Variants in FZD1 observed in about 807,000 individuals in gnomAD.
The protein encoded by FZD1 is frizzled-1.
FZD1 carries 22 observed loss-of-function variants against 48.0 expected under a neutral mutation model. The observed-to-expected ratio is 0.46, with a 90% confidence interval of 0.33 to 0.65. FZD1 has a LOEUF of 0.65. Ranked by LOEUF, FZD1 falls within the 30% of genes least tolerant of loss-of-function variation. The probability of loss-of-function intolerance (pLI) is 0.02; values close to 1 mark genes in which losing one functional copy is unlikely to be tolerated. For missense variants in FZD1, 843 were observed against 898.1 expected (o/e 0.94, Z 0.78); for synonymous variants, 486 against 409.6 (o/e 1.19, Z -2.25).
At position 91,266,607 on chromosome 7, in the gene FZD1, G is replaced by A. The variant is rs1803885047; in HGVS notation, c.1727G>A (p.Ser576Asn). Residue 576 changes from serine (S) to asparagine (N), a missense_variant, in exon 1 of 1, where the codon AGC becomes AAC. By Grantham distance (46) the Ser-to-Asn change is conservative. This residue lies in a region of FZD1 where 353 missense variants were observed against 431.6 expected (regional missense o/e 0.82). Transcript: ENST00000287934. This position sits in a 1 kb window ranked among gnomAD's most constrained non-coding sequence, Gnocchi z 6.8. The part of the protein sequence containing the change: ...ERSWVAQSCK[S>N]YAIPCPHLQA... ...AGCTGGGTGGCCCAGAGCTGCAAGA[G>A]CTACGCTATCCCCTGCCCTCACCTC... The A allele has an allele frequency of 6.2e-7, 1 of 1,613,322 alleles. No individual in the cohort carries two copies. Among genetic ancestry groups the A allele is most frequent in the South Asian group, 1.1e-5 (1 of 91,086 alleles).
At position 91,265,245 on chromosome 7, in the gene FZD1, C is replaced by T. The variant is rs1453604982; in HGVS notation, c.365C>T (p.Pro122Leu). The part of the protein sequence containing the change: ...DHGYCQPISI[P>L]LCTDIAYNQT... The stretch of plus-strand genomic sequence containing the variant: ...GGCTATTGCCAGCCCATCTCCATCC[C>T]GCTGTGCACGGACATCGCGTACAAC... Residue 122 changes from proline (P) to leucine (L), a missense_variant, in exon 1 of 1, where the codon CCG becomes CTG. Coordinates refer to ENST00000287934, the MANE Select transcript of FZD1 (RefSeq NM_003505.2). This position sits in a 1 kb window ranked among gnomAD's most constrained non-coding sequence, Gnocchi z 6.9. The T allele has an allele frequency of 3.7e-6, 6 of 1,614,008 alleles. No individual in the cohort carries two copies. Among genetic ancestry groups the T allele is most frequent in the Non-Finnish European group, 8.5e-7 (1 of 1,179,998 alleles).
chr7:91,264,533 A>T lies in FZD1; in HGVS notation c.-348A>T, dbSNP rs1803832516. On this transcript the variant is annotated 5_prime_UTR_variant, in exon 1 of 1. Coordinates refer to ENST00000287934, the MANE Select transcript of FZD1 (RefSeq NM_003505.2). ...AGAAGGAGGCGGAGGCGCAGGGGGG[A>T]GCCGAGCCCGCTGGGCTGCGGAGAG... The T allele has an allele frequency of 3.0e-6, 1 of 331,180 alleles. No individual in the cohort carries two copies. Among genetic ancestry groups the T allele is most frequent in the Non-Finnish European group, 5.5e-6 (1 of 182,534 alleles). 20.5% of individuals were successfully genotyped at this position (331,180 alleles called of 1,614,324 possible).
rs895327946 is a variant in FZD1 at position 91,268,678 on chromosome 7, T to C, written c.*1854T>C. On this transcript the variant is annotated 3_prime_UTR_variant, in exon 1 of 1. Transcript: ENST00000287934. ...AGTTTATATATATATAATACCATAT[T>C]TTTAATTTCACAAATAAAAAATTCA... The C allele has an allele frequency of 1.8e-5, 3 of 166,064 alleles. No individual in the cohort carries two copies. The highest frequency in any genetic ancestry group is 4.4e-5 in the Non-Finnish European group (3 of 68,084). 10.3% of individuals were successfully genotyped at this position (166,064 alleles called of 1,614,324 possible).
rs1407061234 is a variant in FZD1 at position 91,268,844 on chromosome 7, T to TA, written c.*2023dup. Reference sequence around the variant, plus strand: ...GAATTCAATGAAAAAAGTCTACCCTTAAACCCTCAGATCAGTCTTTCCAAA... The same window carrying TA: ...GAATTCAATGAAAAAAGTCTACCCTTAAAACCCTCAGATCAGTCTTTCCAAA... On this transcript the variant is annotated 3_prime_UTR_variant, in exon 1 of 1. Transcript: ENST00000287934. 2 of 166,956 alleles carry TA rather than the reference T, an allele frequency of 1.2e-5. No individual in the cohort carries two copies. Among genetic ancestry groups the TA allele is most frequent in the Non-Finnish European group, 2.9e-5 (2 of 68,086 alleles). The allele number at this position is 166,956 out of a possible 1,614,324, so 10.3% of individuals were successfully genotyped here.
rs1288435174 is a variant in FZD1 at position 91,265,789 on chromosome 7, C to A, written c.909C>A (p.Thr303=). The change falls in exon 1 of 1, where the codon ACC becomes ACA. Residue 303 remains threonine, a synonymous_variant. Transcript: ENST00000287934. This position sits in a 1 kb window ranked among gnomAD's most constrained non-coding sequence, Gnocchi z 6.9. ...EKDCGAPCEP[T]KVYGLMYFGP... The stretch of plus-strand genomic sequence containing the variant: ...ACTGCGGCGCACCTTGTGAGCCGAC[C>A]AAGGTGTATGGGCTCATGTACTTCG... The A allele has an allele frequency of 6.2e-7, 1 of 1,612,682 alleles. No individual in the cohort carries two copies.
chr7:91,268,106 A>G lies in FZD1; in HGVS notation c.*1282A>G, dbSNP rs1803916001. 1 of 167,072 alleles carries G rather than the reference A, an allele frequency of 6.0e-6. No homozygotes were observed. Among genetic ancestry groups the G allele is most frequent in the African/African-American group, 2.4e-5 (1 of 41,476 alleles). 10.3% of individuals were successfully genotyped at this position (167,072 alleles called of 1,614,324 possible). A position where few individuals can be genotyped will look rare whatever the true frequency, so the allele number is the denominator to read the frequency against. Reference sequence around the variant, plus strand: ...TATTTCAGTGTCATGGACTTCCTCAAAATGAAGTGCTATTTTCTTATTTTT... The same window carrying G: ...TATTTCAGTGTCATGGACTTCCTCAGAATGAAGTGCTATTTTCTTATTTTT... On this transcript the variant is annotated 3_prime_UTR_variant, in exon 1 of 1. Transcript: ENST00000287934.
In FZD1 at chr7:91,269,658, A is replaced by T. The variant is rs1183685149; in HGVS notation, c.*2834A>T. The T allele has an allele frequency of 6.0e-6, 1 of 167,052 alleles. No individual in the cohort carries two copies. Among genetic ancestry groups the T allele is most frequent in the Admixed American group, 6.5e-5 (1 of 15,288 alleles). The allele number at this position is 167,052 out of a possible 1,614,324, so 10.3% of individuals were successfully genotyped here. A position where few individuals can be genotyped will look rare whatever the true frequency, so the allele number is the denominator to read the frequency against. ...AAAAATTAGATCTTACTAAAAATGT[A>T]GCATTTGATTTTAAGTAGCAAGATG... On this transcript the variant is annotated 3_prime_UTR_variant, in exon 1 of 1. Transcript: ENST00000287934.
In FZD1 at chr7:91,265,711, G is replaced by T. The variant is rs761952181; in HGVS notation, c.831G>T (p.Pro277=). 2 of 1,605,044 alleles carry T rather than the reference G, an allele frequency of 1.2e-6. No homozygotes were observed. Among genetic ancestry groups the T allele is most frequent in the Non-Finnish European group, 1.7e-6 (2 of 1,176,298 alleles). ...GASERGKFSC[P]RALKVPSYLN... ...CGGAGCGAGGCAAGTTCTCCTGCCC[G>T]CGCGCCCTCAAGGTGCCCTCCTACC... The change falls in exon 1 of 1, where the codon CCG becomes CCT. Residue 277 remains proline, a synonymous_variant. Transcript: ENST00000287934. This position sits in a 1 kb window ranked among gnomAD's most constrained non-coding sequence, Gnocchi z 6.9.
rs370079514 is a variant in FZD1 at position 91,266,606 on chromosome 7, A to T, written c.1726A>T (p.Ser576Cys). Residue 576 changes from serine (S) to cysteine (C), a missense_variant, in exon 1 of 1, where the codon AGC becomes TGC. Coordinates refer to ENST00000287934, the MANE Select transcript of FZD1 (RefSeq NM_003505.2). The surrounding 1 kb of genome is among the most constrained non-coding windows in gnomAD (Gnocchi z 6.8). ...ERSWVAQSCK[S>C]YAIPCPHLQA... ...CAGCTGGGTGGCCCAGAGCTGCAAGAGCTACGCTATCCCCTGCCCTCACCT... is the reference window on the plus strand; with the variant it reads ...CAGCTGGGTGGCCCAGAGCTGCAAGTGCTACGCTATCCCCTGCCCTCACCT... 7 of 1,613,290 alleles carry T rather than the reference A, an allele frequency of 4.3e-6. No homozygotes were observed. The highest frequency in any genetic ancestry group is 5.9e-6 in the Non-Finnish European group (7 of 1,179,992).
chr7:91,266,563 C>G lies in FZD1; in HGVS notation c.1683C>G (p.Phe561Leu). ...CCTGCTACTTCTACGAGCAGGCCTT[C>G]CGGGACCAGTGGGAACGCAGCTGGG... ...VIACYFYEQA[F>L]RDQWERSWVA... Residue 561 changes from phenylalanine (F) to leucine (L), a missense_variant, in exon 1 of 1, where the codon TTC (phenylalanine) becomes TTG (leucine). Phe to Leu is a conservative substitution (Grantham distance 22). Coordinates refer to ENST00000287934, the MANE Select transcript of FZD1 (RefSeq NM_003505.2). This position sits in a 1 kb window ranked among gnomAD's most constrained non-coding sequence, Gnocchi z 6.8. 6.2e-7 allele frequency: 1 copy of G among 1,613,868 alleles called. No individual in the cohort carries two copies. The highest frequency in any genetic ancestry group is 8.5e-7 in the Non-Finnish European group (1 of 1,180,028).
Position 91,266,159 on chromosome 7 carries a change from T to A in FZD1, c.1279T>A (p.Trp427Arg). The change falls in exon 1 of 1, where the codon TGG becomes AGG. Residue 427 changes from tryptophan (W) to arginine (R), a missense_variant. Coordinates refer to ENST00000287934, the MANE Select transcript of FZD1 (RefSeq NM_003505.2). This position sits in a 1 kb window ranked among gnomAD's most constrained non-coding sequence, Gnocchi z 6.8. ...SIWWVILSLT[W>R]FLAAGMKWGH... ...CTGGTGGGTGATCCTGTCGCTCACC[T>A]GGTTCCTGGCGGCTGGCATGAAGTG... The A allele has an allele frequency of 6.2e-7, 1 of 1,614,212 alleles. No individual in the cohort carries two copies. The highest frequency in any genetic ancestry group is 8.5e-7 in the Non-Finnish European group (1 of 1,180,036).
chr7:91,264,448 G>C lies in FZD1; in HGVS notation c.-433G>C. 1 of 224,190 alleles carries C rather than the reference G, an allele frequency of 4.5e-6. No individual in the cohort carries two copies. The highest frequency in any genetic ancestry group is 8.8e-6 in the Non-Finnish European group (1 of 114,196). 13.9% of individuals were successfully genotyped at this position (224,190 alleles called of 1,614,324 possible). On this transcript the variant is annotated 5_prime_UTR_variant, in exon 1 of 1. Transcript: ENST00000287934. ...CCTGGAAACCGGTCCGAGGGCGCGC[G>C]AGGCAGAGGAGAGGGAGCGAGTTGA...
In FZD1 at chr7:91,266,172, C is replaced by G. The variant is rs1490838876; in HGVS notation, c.1292C>G (p.Ala431Gly). Residue 431 changes from alanine (A) to glycine (G), a missense_variant, in exon 1 of 1, where the codon GCT becomes GGT. By Grantham distance (60) the Ala-to-Gly change is moderately conservative. Around this residue, in one of 2 missense-constraint regions of FZD1, gnomAD observed 353 missense variants for 431.6 expected, o/e 0.82. Transcript: ENST00000287934. The surrounding 1 kb of genome is among the most constrained non-coding windows in gnomAD (Gnocchi z 6.8). Reference sequence around the variant, plus strand: ...CTGTCGCTCACCTGGTTCCTGGCGGCTGGCATGAAGTGGGGCCACGAGGCC... The same window carrying G: ...CTGTCGCTCACCTGGTTCCTGGCGGGTGGCATGAAGTGGGGCCACGAGGCC... The part of the protein sequence containing the change: ...VILSLTWFLA[A>G]GMKWGHEAIE... The G allele has an allele frequency of 3.1e-6, 5 of 1,614,066 alleles. No individual in the cohort carries two copies. In the South Asian group the frequency reaches 5.5e-5, roughly 18 times the overall value.
At position 91,265,197 on chromosome 7, in the gene FZD1, G is replaced by T; in HGVS notation, c.317G>T (p.Arg106Leu). 2.5e-6 allele frequency: 4 copies of T among 1,613,320 alleles called. No individual in the cohort carries two copies. Among genetic ancestry groups the T allele is most frequent in the Middle Eastern group, 1.7e-4 (1 of 5,760 alleles). The change falls in exon 1 of 1, where the codon CGG becomes CTG. Residue 106 changes from arginine to leucine, a missense_variant. Around this residue, in one of 2 missense-constraint regions of FZD1, gnomAD observed 490 missense variants for 466.5 expected, o/e 1.05. Transcript: ENST00000287934. The surrounding 1 kb of genome is among the most constrained non-coding windows in gnomAD (Gnocchi z 6.9). ...AGCGGGCAGCAGTACAACGGCGAGC[G>T]GGGCATCTCCGTCCCGGACCACGGC... Reference protein sequence around the residue: ...QQSGQQYNGERGISVPDHGYC... With the variant: ...QQSGQQYNGELGISVPDHGYC...
In FZD1 at chr7:91,266,545, C is replaced by A. The variant is rs781169512; in HGVS notation, c.1665C>A (p.Tyr555Ter). The A allele has an allele frequency of 3.1e-6, 5 of 1,613,886 alleles. No individual in the cohort carries two copies. The change falls in exon 1 of 1, where the codon TAC (tyrosine) becomes TAA (stop). Residue 555 changes from tyrosine to a stop codon, truncating the protein, a stop_gained. Coordinates refer to ENST00000287934, the MANE Select transcript of FZD1 (RefSeq NM_003505.2). LOFTEE classifies it high-confidence loss of function. The surrounding 1 kb of genome is among the most constrained non-coding windows in gnomAD (Gnocchi z 6.8). ...CAGCCACCATCGTCATCGCCTGCTA[C>A]TTCTACGAGCAGGCCTTCCGGGACC... ...TVPATIVIAC[Y>*]FYEQAFRDQW...
Position 91,270,369 on chromosome 7 carries a change from C to T in FZD1, c.*3545C>T, listed in dbSNP as rs774155801. ...AATTTCAGAGCCAGCCAGTGTCAAA[C>T]ACGTGCAAAAGAGCCGGGCCGGATT... On this transcript the variant is annotated 3_prime_UTR_variant, in exon 1 of 1. Coordinates refer to ENST00000287934, the MANE Select transcript of FZD1 (RefSeq NM_003505.2). 6.6e-5 allele frequency: 11 copies of T among 167,036 alleles called. No individual in the cohort carries two copies. Among genetic ancestry groups the T allele is most frequent in the Non-Finnish European group, 1.2e-4 (8 of 68,114 alleles). 10.3% of individuals were successfully genotyped at this position (167,036 alleles called of 1,614,324 possible).
Position 91,269,423 on chromosome 7 carries a change from T to C in FZD1, c.*2599T>C, listed in dbSNP as rs1803935980. The C allele has an allele frequency of 6.0e-6, 1 of 166,964 alleles. No homozygotes were observed. Among genetic ancestry groups the C allele is most frequent in the Non-Finnish European group, 1.5e-5 (1 of 68,066 alleles). 10.3% of individuals were successfully genotyped at this position (166,964 alleles called of 1,614,324 possible). A position where few individuals can be genotyped will look rare whatever the true frequency, so the allele number is the denominator to read the frequency against. On this transcript the variant is annotated 3_prime_UTR_variant, in exon 1 of 1. Transcript: ENST00000287934. ...TAAAGTTTACTTACATTTCATAATA[T>C]GGAAATATGGTTATGAGAAATGGAA...
In FZD1 at chr7:91,265,187, A is replaced by C. The variant is rs770635483; in HGVS notation, c.307A>C (p.Asn103His). The C allele has an allele frequency of 6.2e-7, 1 of 1,612,884 alleles. No individual in the cohort carries two copies. The highest frequency in any genetic ancestry group is 8.5e-7 in the Non-Finnish European group (1 of 1,179,812). The change falls in exon 1 of 1, where the codon AAC becomes CAC. Residue 103 changes from asparagine (N) to histidine (H), a missense_variant. By Grantham distance (68) the Asn-to-His change is moderately conservative. Transcript: ENST00000287934. The surrounding 1 kb of genome is among the most constrained non-coding windows in gnomAD (Gnocchi z 6.9). The stretch of plus-strand genomic sequence containing the variant: ...GCAGCAACAGAGCGGGCAGCAGTAC[A>C]ACGGCGAGCGGGGCATCTCCGTCCC... ...PQQQQSGQQY[N>H]GERGISVPDH...
In FZD1 at chr7:91,268,688, A is replaced by G. The variant is rs1803926870; in HGVS notation, c.*1864A>G. On this transcript the variant is annotated 3_prime_UTR_variant, in exon 1 of 1. Transcript: ENST00000287934. ...TATATAATACCATATTTTTAATTTC[A>G]CAAATAAAAAATTCAAAGTTTTGTA... The G allele has an allele frequency of 6.0e-6, 1 of 166,022 alleles. No individual in the cohort carries two copies. The highest frequency in any genetic ancestry group is 1.5e-5 in the Non-Finnish European group (1 of 68,076). 10.3% of individuals were successfully genotyped at this position (166,022 alleles called of 1,614,324 possible).
Sources: allele counts gnomAD v4.1 joint callset, GRCh38; gene constraint gnomAD v4.1.1; regional missense constraint gnomAD v4.1.1; non-coding constraint Gnocchi (gnomAD v3.1); transcripts MANE v1.5; gene names NCBI Gene and HGNC (gene_info 2026-07-23, HGNC 2026-07-21).